Variants in ROBO2 observed in about 807,000 individuals in gnomAD.
ROBO2 encodes roundabout homolog 2.
A neutral mutation model predicts 160.8 loss-of-function variants in ROBO2; 53 were observed. That is an observed-to-expected ratio of 0.33 (90% CI 0.26 to 0.41). The LOEUF is 0.41. Among genes scored for constraint, ROBO2 ranks in the 10% least tolerant of loss-of-function variants. ROBO2 has a pLI of 1.00. For missense variants in ROBO2, 1,577 were observed against 1,722.4 expected (o/e 0.92, Z 1.49); for synonymous variants, 664 against 611.7 (o/e 1.09, Z -1.26).
chr3:77,548,825 A>G (rs1477363565), intron 7 of ROBO2, among the ~76,000 whole-genome samples: 1 of 152,000 alleles, frequency 6.6e-6, no homozygotes, highest in African/African-American at 2.4e-5. Context: ...AGAGAAAGAG[A>G]TACACAGAGA....
chr3:76,740,526 G>T (rs1265240102), intron 2 of ROBO2, among the ~76,000 whole-genome samples: 1 of 152,100 alleles, frequency 6.6e-6, no homozygotes, highest in Non-Finnish European at 1.5e-5. Flanking sequence ...CTCCTGCCCA[G>T]ATTCATCTTT....
rs370312626 is a variant in ROBO2 at position 76,442,433 on chromosome 3, G to A, written c.109+504831G>A. Among the ~76,000 whole-genome samples the A allele has an allele frequency of 7.2e-5, 11 of 152,082 alleles. No homozygotes were observed. The East Asian group carries it at 1.2e-3, about 16-fold the overall frequency. On this transcript the variant is annotated intron_variant, in intron 2 of 26. Coordinates refer to the ROBO2 transcript ENST00000487694. Reference sequence around the variant, plus strand: ...AGAGCAGAGCATAAAACTACCGTGCGTTATTCTTTTCTGTTATTTTAATGG... The same window carrying A: ...AGAGCAGAGCATAAAACTACCGTGCATTATTCTTTTCTGTTATTTTAATGG...
At chr3:76,564,568 A>G (rs893238094) in intron 2 of ROBO2, among the ~76,000 whole-genome samples, 2 of 152,204 alleles carry the variant, frequency 1.3e-5, no homozygotes, top group African/African-American at 4.8e-5. Context: ...CATGTCAGTC[A>G]GAGAGCAGGA....
At chr3:76,415,438 A>G (rs952530226) in intron 2 of ROBO2, among the ~76,000 whole-genome samples, 21 of 152,194 alleles carry the variant, frequency 1.4e-4, no homozygotes, top group African/African-American at 4.3e-4. Context: ...TTGATATTGC[A>G]TGGTGACATA....
chr3:76,105,052 G>C (rs182512268), intron 2 of ROBO2, among the ~76,000 whole-genome samples: 16 of 152,152 alleles, frequency 1.1e-4, no homozygotes, highest in Admixed American at 9.2e-4. Flanking sequence ...AAGAGACCTA[G>C]CCTTTAGGTG....
At chr3:77,433,116 C>G (rs1466139718) in intron 2 of ROBO2, among the ~76,000 whole-genome samples, 1 of 152,060 alleles carries the variant, frequency 6.6e-6, no homozygotes, top group Non-Finnish European at 1.5e-5. Flanking sequence ...CATAACTAGT[C>G]TCTCTGCATC....
intron 2 of ROBO2, among the ~76,000 whole-genome samples, chr3:77,435,045 CTT>C (rs2079143162): frequency 6.6e-6 from 1 of 151,868 alleles, no homozygotes; most frequent in Admixed American, 6.6e-5. Flanking sequence ...GCTCAACAGT[CTT>C]TTGCCATCAG....
chr3:76,229,379 A>C (rs928325558), intron 2 of ROBO2, among the ~76,000 whole-genome samples: 1 of 151,092 alleles, frequency 6.6e-6, no homozygotes, highest in Admixed American at 6.6e-5. Context: ...AAATTACAAT[A>C]ACTAATTTAG....
At chr3:77,233,737 T>C (rs554471426) in intron 2 of ROBO2, among the ~76,000 whole-genome samples, 1 of 152,320 alleles carries the variant, frequency 6.6e-6, no homozygotes, top group African/African-American at 2.4e-5. Context: ...CTGATGTTTA[T>C]ATCAATTTAG....
At chr3:77,543,583 T>G (rs1342641623) in intron 6 of ROBO2, among the ~76,000 whole-genome samples, 6 of 152,214 alleles carry the variant, frequency 3.9e-5, no homozygotes, top group Non-Finnish European at 8.8e-5. Flanking sequence ...CTTGGAAGTC[T>G]GTACTTCTAA....
chr3:76,285,764 T>C (rs1708476700), intron 2 of ROBO2, among the ~76,000 whole-genome samples: 1 of 152,168 alleles, frequency 6.6e-6, no homozygotes, highest in Admixed American at 6.6e-5. Flanking sequence ...ATTTAACCTT[T>C]CTCCAAAATT....
At chr3:76,196,070 T>G (rs575357642) in intron 2 of ROBO2, among the ~76,000 whole-genome samples, 1 of 152,174 alleles carries the variant, frequency 6.6e-6, no homozygotes, top group East Asian at 1.9e-4. Flanking sequence ...GGAGCCTGGG[T>G]ACATCAGTGC....
At chr3:76,317,788 G>A (rs1186727188) in intron 2 of ROBO2, among the ~76,000 whole-genome samples, 2 of 151,860 alleles carry the variant, frequency 1.3e-5, no homozygotes, top group Non-Finnish European at 2.9e-5. Flanking sequence ...AAGATCTGTT[G>A]TAAAACTTAC....
In ROBO2 at chr3:77,051,890, A is replaced by G. The variant is rs192514686; in HGVS notation, c.61+11044A>G. ...GAAGTCGGTTGGATTAGCATTTGACACTCAACTATACAGCAAGCGGACACG... is the reference window on the plus strand; with the variant it reads ...GAAGTCGGTTGGATTAGCATTTGACGCTCAACTATACAGCAAGCGGACACG... On this transcript the variant is annotated intron_variant, in intron 1 of 25. Coordinates refer to ENST00000461745, the Ensembl canonical transcript of ROBO2. Among the ~76,000 whole-genome samples, 709 of 152,336 alleles carry G rather than the reference A, an allele frequency of 4.7e-3. 4 individuals carry two copies. The highest frequency in any genetic ancestry group is 0.016 in the African/African-American group (668 of 41,582).
At chr3:77,128,778 A>C (rs1052070643) in intron 2 of ROBO2, among the ~76,000 whole-genome samples, 3 of 152,222 alleles carry the variant, frequency 2.0e-5, no homozygotes, top group Non-Finnish European at 4.4e-5. Context: ...TGAAGAACAT[A>C]CCGTGATACA....
intron 2 of ROBO2, among the ~76,000 whole-genome samples, chr3:76,991,984 A>T (rs547098047): frequency 6.6e-6 from 1 of 152,260 alleles, no homozygotes; most frequent in Non-Finnish European, 1.5e-5. Context: ...GCTGCCCCTT[A>T]TAAATTTCTA....
chr3:76,090,752 G>A (rs922317821), intron 2 of ROBO2, among the ~76,000 whole-genome samples: 4 of 151,534 alleles, frequency 2.6e-5, no homozygotes, highest in Admixed American at 2.6e-4. Flanking sequence ...CACATAGAAC[G>A]GAACGGAACG....
At chr3:77,086,420 G>A (rs1046044147) in intron 1 of ROBO2, among the ~76,000 whole-genome samples, 1 of 151,894 alleles carries the variant, frequency 6.6e-6, no homozygotes, top group African/African-American at 2.4e-5. Flanking sequence ...ACTTCTTTTC[G>A]GCATTTGAAA....
intron 2 of ROBO2, among the ~76,000 whole-genome samples, chr3:77,445,911 A>G (rs2080459142): frequency 1.3e-5 from 2 of 151,348 alleles, no homozygotes; most frequent in African/African-American, 2.4e-5. Context: ...AATAATTACT[A>G]GGATGACACG....
Sources: gnomAD v4.1 joint callset for allele counts (sites outside exome capture counted in the v4.1 genomes callset) on GRCh38, gnomAD v4.1.1 for gene constraint, MANE v1.5 for transcripts, NCBI Gene and HGNC (gene_info 2026-07-23, HGNC 2026-07-21) for gene names.